The following DPP10 variants were observed in gnomAD, a reference collection of about 807,000 sequenced individuals.
DPP10 encodes the protein inactive dipeptidyl peptidase 10.
Under a neutral mutation model 120.9 loss-of-function variants are expected in DPP10, and 33 were observed. That is an observed-to-expected ratio of 0.27 (90% CI 0.21 to 0.37). The LOEUF (loss-of-function observed/expected upper bound fraction) is 0.37, where lower values mean the gene tolerates loss of function less well. Among genes scored for constraint, DPP10 ranks in the 10% least tolerant of loss-of-function variants. The pLI is 1.00. For synonymous variants in DPP10, 337 were observed against 326.1 expected (o/e 1.03, Z -0.36); for missense variants, 816 against 942.8 (o/e 0.87, Z 1.76).
At chr2:115,264,856 C>G (rs1017621682) in intron 1 of DPP10, among the ~76,000 whole-genome samples, 1 of 151,814 alleles carries the variant, frequency 6.6e-6, no homozygotes, top group African/African-American at 2.4e-5. Flanking sequence ...AAGTGGGTAC[C>G]AAGTTTTGGG....
intron 5 of DPP10, among the ~76,000 whole-genome samples, chr2:115,568,286 C>T (rs773011166): frequency 1.3e-5 from 2 of 151,986 alleles, no homozygotes; most frequent in African/African-American, 2.4e-5. Context: ...AGATTGAGAC[C>T]ACCCTGGCCA....
intron 3 of DPP10, among the ~76,000 whole-genome samples, chr2:115,355,330 CAT>C (rs2064303239): frequency 1.3e-5 from 2 of 150,610 alleles, no homozygotes; most frequent in African/African-American, 4.9e-5. Flanking sequence ...ACCTTTTTTT[CAT>C]ATGTTTGTTG....
At chr2:115,547,887 A>G (rs907875186) in intron 5 of DPP10, among the ~76,000 whole-genome samples, 1 of 152,106 alleles carries the variant, frequency 6.6e-6, no homozygotes, top group African/African-American at 2.4e-5. Context: ...TAGAGTTGGC[A>G]TCTTTCCTTA....
At chr2:114,763,858 C>CT (rs1164395119) in intron 1 of DPP10, among the ~76,000 whole-genome samples, 1 of 151,842 alleles carries the variant, frequency 6.6e-6, no homozygotes, top group Non-Finnish European at 1.5e-5. Flanking sequence ...CCTCCATCCT[C>CT]TGTTTCCTAG....
At chr2:114,571,725 C>A (rs557994819) in intron 1 of DPP10, among the ~76,000 whole-genome samples, 1 of 151,782 alleles carries the variant, frequency 6.6e-6, no homozygotes, top group South Asian at 2.1e-4. Flanking sequence ...GGTATTCAAG[C>A]AGAGGTTTGA....
intron 3 of DPP10, among the ~76,000 whole-genome samples, chr2:115,427,730 C>T (rs1353596958): frequency 6.6e-6 from 1 of 152,150 alleles, no homozygotes; most frequent in African/African-American, 2.4e-5. Context: ...CACTTGACTC[C>T]CTTTTAGTTA....
intron 17 of DPP10, among the ~76,000 whole-genome samples, chr2:115,785,647 A>G (rs1364925988): frequency 6.6e-6 from 1 of 152,040 alleles, no homozygotes; most frequent in Non-Finnish European, 1.5e-5. Flanking sequence ...TAGTCTCTGA[A>G]GGCTTTTTGT....
chr2:115,416,100 C>T (rs868416430), intron 3 of DPP10, among the ~76,000 whole-genome samples: 17 of 151,930 alleles, frequency 1.1e-4, no homozygotes, highest in Middle Eastern at 3.4e-3. Context: ...ACAGGGTGTC[C>T]TTCAATACTT....
At chr2:114,693,147 T>C (rs995161968) in intron 1 of DPP10, among the ~76,000 whole-genome samples, 3 of 151,996 alleles carry the variant, frequency 2.0e-5, no homozygotes, top group African/African-American at 4.8e-5. Flanking sequence ...TTTTGCAGAA[T>C]TGTGTATGTG....
intron 3 of DPP10, 54 bp from the exon 4 acceptor site, chr2:115,499,456 A>G (rs2076568243): frequency 1.4e-6 from 2 of 1,414,344 alleles, no homozygotes; most frequent in East Asian, 4.7e-5. Flanking sequence ...CCCTACAGTT[A>G]CTATATTATC....
At chr2:114,778,732 C>T (rs573384994) in intron 1 of DPP10, among the ~76,000 whole-genome samples, 2 of 152,072 alleles carry the variant, frequency 1.3e-5, no homozygotes, top group Non-Finnish European at 2.9e-5. Flanking sequence ...TAAAATCGGT[C>T]GCATGACTGC....
At chr2:114,874,642 T>A (rs1375611512) in intron 1 of DPP10, among the ~76,000 whole-genome samples, 1 of 152,064 alleles carries the variant, frequency 6.6e-6, no homozygotes, top group Non-Finnish European at 1.5e-5. Flanking sequence ...AATAATAGTA[T>A]AAAGTGCACA....
At chr2:114,893,497 GA>G (rs1692711694) in intron 1 of DPP10, among the ~76,000 whole-genome samples, 2 of 152,044 alleles carry the variant, frequency 1.3e-5, no homozygotes, top group South Asian at 4.1e-4. Context: ...GCTGTGATGA[GA>G]AAATAGCAGA....
chr2:115,084,897 C>G (rs1708566433), intron 1 of DPP10, among the ~76,000 whole-genome samples: 1 of 152,156 alleles, frequency 6.6e-6, no homozygotes, highest in Admixed American at 6.5e-5. Flanking sequence ...AATGCATTAG[C>G]ATTTCTAGGA....
intron 1 of DPP10, among the ~76,000 whole-genome samples, chr2:115,273,736 C>T (rs953214882): frequency 2.0e-5 from 3 of 152,182 alleles, no homozygotes; most frequent in East Asian, 1.9e-4. Context: ...TAGAAATTTG[C>T]AATAATGTTC....
intron 1 of DPP10, among the ~76,000 whole-genome samples, chr2:114,778,984 T>C (rs1682018865): frequency 1.3e-5 from 2 of 152,066 alleles, no homozygotes; most frequent in African/African-American, 4.8e-5. Context: ...AGTAGCACCC[T>C]AGTTAATTCA....
chr2:114,497,092 T>TACATGTGTACATGTACGTATACATGC (rs1558813288), intron 1 of DPP10, among the ~76,000 whole-genome samples: 2 of 149,256 alleles, frequency 1.3e-5, no homozygotes, highest in Admixed American at 6.7e-5. Flanking sequence ...CATGTACATG[T>TACATGTGTACATGTACGTATACATGC]ACATGTGTAC....
At chr2:114,606,622 C>T (rs1014141665) in intron 1 of DPP10, among the ~76,000 whole-genome samples, 5 of 152,132 alleles carry the variant, frequency 3.3e-5, no homozygotes, top group African/African-American at 1.2e-4. Context: ...AAGACAAATG[C>T]AATACCATCT....
chr2:114,821,603 G>A (rs1305616275), intron 1 of DPP10, among the ~76,000 whole-genome samples: 1 of 152,148 alleles, frequency 6.6e-6, no homozygotes, highest in African/African-American at 2.4e-5. Context: ...AGTCTCATCT[G>A]AGGCAAAGCA....
Sources: gnomAD v4.1 joint callset for allele counts (sites outside exome capture counted in the v4.1 genomes callset) on GRCh38, gnomAD v4.1.1 for gene constraint, MANE v1.5 for transcripts, NCBI Gene and HGNC (gene_info 2026-07-23, HGNC 2026-07-21) for gene names.